Variants in NFIA observed in about 807,000 individuals in gnomAD.
The protein encoded by NFIA is nuclear factor 1 A-type.
NFIA carries 8 observed loss-of-function variants against 62.8 expected under a neutral mutation model. The observed-to-expected ratio is 0.13, with a 90% CI of 0.07 to 0.23. The LOEUF (loss-of-function observed/expected upper bound fraction) is 0.23. Ranked by LOEUF, NFIA falls within the 10% of genes least tolerant of loss-of-function variation. The pLI, the probability that NFIA is intolerant of heterozygous loss-of-function variation, is 1.00. For missense variants in NFIA, 410 were observed against 642.1 expected (o/e 0.64, Z 3.91); for synonymous variants, 235 against 238.1 (o/e 0.99, Z 0.12).
chr1:61,409,662 C>A (rs183927591), intron 9 of NFIA, among the ~76,000 whole-genome samples: 5 of 152,256 alleles, frequency 3.3e-5, no homozygotes, highest in Non-Finnish European at 5.9e-5. Flanking sequence ...AACACTGAAC[C>A]CCCAATTACA....
At chr1:61,107,398 T>C (rs891647787) in intron 2 of NFIA, among the ~76,000 whole-genome samples, 1 of 151,882 alleles carries the variant, frequency 6.6e-6, no homozygotes, top group Non-Finnish European at 1.5e-5. Flanking sequence ...TATTTCATTG[T>C]GTTTTTAATT....
intron 10 of NFIA, among the ~76,000 whole-genome samples, chr1:61,444,791 A>G (rs1451735783): frequency 6.6e-6 from 1 of 152,236 alleles, no homozygotes; most frequent in Non-Finnish European, 1.5e-5. Context: ...CCATTCTTGC[A>G]AAATAAACAA....
At chr1:61,264,686 T>TC (rs1657045169) in intron 2 of NFIA, among the ~76,000 whole-genome samples, 1 of 147,138 alleles carries the variant, frequency 6.8e-6, no homozygotes, top group Admixed American at 6.7e-5. Context: ...AAAAAGGATT[T>TC]CCCGAAGGTA....
intron 2 of NFIA, among the ~76,000 whole-genome samples, chr1:61,184,450 C>T (rs1028735646): frequency 3.9e-5 from 6 of 152,258 alleles, no homozygotes; most frequent in Admixed American, 1.3e-4. Flanking sequence ...GTCTAGCAGA[C>T]TGGCATTTGT....
At chr1:61,204,249 T>C (rs1463369145) in intron 2 of NFIA, among the ~76,000 whole-genome samples, 1 of 152,312 alleles carries the variant, frequency 6.6e-6, no homozygotes, top group East Asian at 1.9e-4. Flanking sequence ...AGGCATAGGC[T>C]CAAAGGAATT....
In NFIA at chr1:61,352,756, T is replaced by TAC. The variant is rs10544967; in HGVS notation, c.818+216_818+217dup. 0.19 allele frequency among the ~76,000 whole-genome samples: 28,853 copies of TAC among 150,274 alleles called. 2,818 individuals are homozygous for TAC. The highest frequency in any genetic ancestry group is 0.33 in the East Asian group (1,671 of 5,106). On this transcript the variant is annotated intron_variant, in intron 5 of 10. Coordinates refer to ENST00000403491, the MANE Select transcript of NFIA (RefSeq NM_001134673.4). ...CAAATATGCATGTGGCAAGATTAAA[T>TAC]ACACACACACACACACACACACACA...
At chr1:61,321,362 T>C (rs1011460783) in intron 3 of NFIA, among the ~76,000 whole-genome samples, 3 of 151,856 alleles carry the variant, frequency 2.0e-5, no homozygotes, top group Non-Finnish European at 2.9e-5. Flanking sequence ...TGCATAATTC[T>C]AAATGTTTCG....
At chr1:61,082,294 C>G (rs1438499926), upstream of NFIA, 10 of 305,550 alleles carry the variant, frequency 3.3e-5, no homozygotes, top group Non-Finnish European at 5.4e-5. Context: ...GCGAGCCAGC[C>G]TGCGAGCGCG....
At chr1:61,119,045 T>A (rs9804149) in intron 2 of NFIA, among the ~76,000 whole-genome samples, 10,704 of 152,166 alleles carry the variant, frequency 0.07, 907 homozygotes, top group East Asian at 0.36. Context: ...CAGGAAATTA[T>A]TCAGGCTAAT....
intron 2 of NFIA, among the ~76,000 whole-genome samples, chr1:61,151,388 T>TC (rs1213412062): frequency 6.6e-6 from 1 of 150,864 alleles, no homozygotes; most frequent in Non-Finnish European, 1.5e-5. Context: ...ACAGCTTTTT[T>TC]TTTTTTTTCT....
intron 2 of NFIA, among the ~76,000 whole-genome samples, chr1:61,238,710 C>T (rs1403541637): frequency 6.6e-6 from 1 of 152,062 alleles, no homozygotes; most frequent in East Asian, 1.9e-4. Flanking sequence ...GGTGCTTTTC[C>T]CTCTTGGTTT....
intron 2 of NFIA, among the ~76,000 whole-genome samples, chr1:61,140,869 G>T (rs759618598): frequency 2.6e-5 from 4 of 151,778 alleles, no homozygotes; most frequent in Non-Finnish European, 4.4e-5. Flanking sequence ...TAACCCAAGA[G>T]TGTATGGTGA....
chr1:61,382,723 C>CT (rs1369379748), intron 6 of NFIA, among the ~76,000 whole-genome samples: 15 of 152,102 alleles, frequency 9.9e-5, no homozygotes, highest in Non-Finnish European at 2.1e-4. Context: ...TTTCTTTTTT[C>CT]TTTTTTTCTA....
intron 2 of NFIA, among the ~76,000 whole-genome samples, chr1:61,232,343 G>A (rs1350333424): frequency 6.6e-6 from 1 of 151,800 alleles, no homozygotes; most frequent in African/African-American, 2.4e-5. Context: ...TAACTAAAAG[G>A]GAAAATTAAG....
At chr1:61,359,384 T>A in intron 6 of NFIA, 110 bp downstream of exon 6, 1 of 1,468,874 alleles carries the variant, frequency 6.8e-7, no homozygotes, top group Non-Finnish European at 9.2e-7. Flanking sequence ...GGTAGTTCAC[T>A]TTTTCAGGAT....
intron 3 of NFIA, among the ~76,000 whole-genome samples, chr1:61,311,961 A>G (rs182047788): frequency 6.6e-6 from 1 of 152,342 alleles, no homozygotes; most frequent in East Asian, 1.9e-4. Flanking sequence ...ATAGGCTCCT[A>G]GAAATAACAT....
intron 2 of NFIA, among the ~76,000 whole-genome samples, chr1:61,110,624 A>G (rs1193722512): frequency 6.6e-6 from 1 of 152,066 alleles, no homozygotes; most frequent in Non-Finnish European, 1.5e-5. Flanking sequence ...CAGGAGTTAT[A>G]AAAGCGAAAT....
intron 6 of NFIA, among the ~76,000 whole-genome samples, chr1:61,360,722 G>A (rs903406423): frequency 6.6e-6 from 1 of 152,158 alleles, no homozygotes. Context: ...GAACCATTCT[G>A]TATCCTGATT....
chr1:61,136,809 T>G (rs960320562), intron 2 of NFIA, among the ~76,000 whole-genome samples: 4 of 149,874 alleles, frequency 2.7e-5, no homozygotes, highest in African/African-American at 4.9e-5. Flanking sequence ...TTTGGGGGGG[T>G]TTTTTCGGTG....
Sources: allele counts gnomAD v4.1 joint callset (sites outside exome capture counted in the v4.1 genomes callset), GRCh38; gene constraint gnomAD v4.1.1; transcripts MANE v1.5; gene names NCBI Gene and HGNC (gene_info 2026-07-23, HGNC 2026-07-21).